CHRM3: variants seen among roughly 807,000 people sequenced by gnomAD.
The protein encoded by CHRM3 is muscarinic acetylcholine receptor M3.
Under a neutral mutation model 41.8 loss-of-function variants are expected in CHRM3, and 11 were observed. The ratio of observed to expected loss-of-function variants is 0.26; its 90% CI spans 0.17 to 0.44. The LOEUF (loss-of-function observed/expected upper bound fraction) is 0.44. Ranked by LOEUF, CHRM3 falls within the 20% of genes least tolerant of loss-of-function variation. CHRM3 has a pLI of 1.00. For synonymous variants in CHRM3, 297 were observed against 301.4 expected, an observed-to-expected ratio of 0.99 and a Z score of 0.15; for missense variants, 571 against 745.4, an observed-to-expected ratio of 0.77 and a Z score of 2.72.
intron 1 of CHRM3, among the ~76,000 whole-genome samples, chr1:239,467,443 A>C (rs565749241): frequency 6.6e-6 from 1 of 152,046 alleles, no homozygotes; most frequent in Admixed American, 6.5e-5. Flanking sequence ...CTGGGATTAC[A>C]GGCACATGCC....
intron 5 of CHRM3, among the ~76,000 whole-genome samples, chr1:239,796,294 C>A (rs1405822608): frequency 2.0e-5 from 3 of 151,836 alleles, no homozygotes; most frequent in African/African-American, 7.3e-5. Context: ...TAATGGAGGG[C>A]AGTCACAGAG....
intron 5 of CHRM3, among the ~76,000 whole-genome samples, chr1:239,720,993 G>T (rs1662915396): frequency 1.3e-5 from 2 of 151,776 alleles, no homozygotes; most frequent in Admixed American, 6.6e-5. Context: ...TTTAAGCAAG[G>T]TCTTCATAAA....
At chr1:239,754,064 T>C (rs1256574979) in intron 5 of CHRM3, among the ~76,000 whole-genome samples, 2 of 152,190 alleles carry the variant, frequency 1.3e-5, no homozygotes, top group Non-Finnish European at 2.9e-5. Context: ...TGATTATAGT[T>C]ACAAGCAAGA....
chr1:239,603,697 C>T (rs892542890), intron 3 of CHRM3, among the ~76,000 whole-genome samples: 10 of 151,876 alleles, frequency 6.6e-5, no homozygotes, highest in African/African-American at 1.2e-4. Context: ...TTATATGATT[C>T]GCTCACAGGG....
intron 4 of CHRM3, among the ~76,000 whole-genome samples, chr1:239,656,082 T>A (rs986862809): frequency 1.3e-5 from 2 of 151,892 alleles, no homozygotes; most frequent in Non-Finnish European, 2.9e-5. Context: ...TTCTCACTTA[T>A]AAGTGGGAGG....
At chr1:239,687,821 C>G (rs916211546) in intron 5 of CHRM3, among the ~76,000 whole-genome samples, 7 of 152,066 alleles carry the variant, frequency 4.6e-5, no homozygotes, top group African/African-American at 1.7e-4. Context: ...AGGTTTGTAG[C>G]CTAGGAGCAA....
intron 5 of CHRM3, among the ~76,000 whole-genome samples, chr1:239,789,348 A>G (rs910235700): frequency 1.3e-5 from 2 of 152,208 alleles, no homozygotes; most frequent in Non-Finnish European, 2.9e-5. Context: ...TAAATAAGCA[A>G]TATGAAACAG....
intron 5 of CHRM3, among the ~76,000 whole-genome samples, chr1:239,773,903 T>C (rs141132850): frequency 1.1e-3 from 160 of 152,284 alleles, no homozygotes; most frequent in African/African-American, 3.6e-3. Flanking sequence ...CAATACTCCT[T>C]AGCCATTATC....
chr1:239,493,581 A>G (rs1379149453), intron 2 of CHRM3, among the ~76,000 whole-genome samples: 2 of 152,216 alleles, frequency 1.3e-5, no homozygotes, highest in African/African-American at 2.4e-5. Flanking sequence ...TGCCAAGCAC[A>G]CAATAGGGAT....
At chr1:239,851,949 C>T (rs1317223191) in intron 6 of CHRM3, among the ~76,000 whole-genome samples, 1 of 152,094 alleles carries the variant, frequency 6.6e-6, no homozygotes, top group Admixed American at 6.6e-5. Context: ...CAAGTCCCAA[C>T]CCTGGCCCAC....
intron 4 of CHRM3, among the ~76,000 whole-genome samples, chr1:239,635,465 C>A (rs17648666): frequency 0.049 from 7,430 of 152,256 alleles, 275 homozygotes; most frequent in South Asian, 0.18. Flanking sequence ...CCCTCAGGGG[C>A]CTGGCACTGA....
rs146413647 is a variant in CHRM3 at position 239,405,778 on chromosome 1, T to C, written c.-521+18551T>C. On this transcript the variant is annotated intron_variant, in intron 1 of 6. Transcript: ENST00000676153. Reference sequence around the variant, plus strand: ...GTTACTTTCATATGAGTGACAGAAGTTGCTGTTATGTTCCGTGGACTGTAT... The same window carrying C: ...GTTACTTTCATATGAGTGACAGAAGCTGCTGTTATGTTCCGTGGACTGTAT... Among the ~76,000 whole-genome samples, 724 of 152,278 alleles carry C rather than the reference T, an allele frequency of 4.8e-3. 7 individuals carry two copies. Among genetic ancestry groups the C allele is most frequent in the African/African-American group, 0.017 (692 of 41,554 alleles).
At chr1:239,485,356 G>T (rs1157425231) in intron 1 of CHRM3, among the ~76,000 whole-genome samples, 1 of 152,104 alleles carries the variant, frequency 6.6e-6, no homozygotes, top group Non-Finnish European at 1.5e-5. Context: ...GGAGTACAGT[G>T]GTGCAATCAT....
At chr1:239,462,062 T>G (rs1288434309) in intron 1 of CHRM3, among the ~76,000 whole-genome samples, 1 of 152,218 alleles carries the variant, frequency 6.6e-6, no homozygotes, top group Non-Finnish European at 1.5e-5. Context: ...AATTTACTCA[T>G]GGGCTGAGTT....
intron 4 of CHRM3, among the ~76,000 whole-genome samples, chr1:239,646,303 A>G (rs1157596607): frequency 6.6e-6 from 1 of 152,206 alleles, no homozygotes. Context: ...TACACAGCCT[A>G]TGTGTATGAA....
At chr1:239,622,698 T>G (rs1668519049) in intron 3 of CHRM3, among the ~76,000 whole-genome samples, 1 of 152,178 alleles carries the variant, frequency 6.6e-6, no homozygotes, top group Non-Finnish European at 1.5e-5. Context: ...GAAAGTGGTT[T>G]TCTTGAGATG....
chr1:239,483,311 C>T (rs942829345), intron 1 of CHRM3, among the ~76,000 whole-genome samples: 2 of 152,178 alleles, frequency 1.3e-5, no homozygotes, highest in Non-Finnish European at 2.9e-5. Flanking sequence ...GTCATAAGCT[C>T]TCATTGGAAT....
chr1:239,901,522 T>A (rs530966533), intron 6 of CHRM3, among the ~76,000 whole-genome samples: 1 of 152,356 alleles, frequency 6.6e-6, no homozygotes, highest in Non-Finnish European at 1.5e-5. Context: ...TCTGTCTATA[T>A]GTCTGTATAC....
chr1:239,745,710 T>C (rs936141839), intron 5 of CHRM3, among the ~76,000 whole-genome samples: 22 of 152,132 alleles, frequency 1.4e-4, no homozygotes, highest in Non-Finnish European at 4.4e-5. Flanking sequence ...ATAAGAGAGT[T>C]CTTCAAGGCA....
Sources: gnomAD v4.1 joint callset for allele counts (sites outside exome capture counted in the v4.1 genomes callset) on GRCh38, gnomAD v4.1.1 for gene constraint, MANE v1.5 for transcripts, NCBI Gene and HGNC (gene_info 2026-07-23, HGNC 2026-07-21) for gene names.